Variants in RAD51B observed in about 807,000 individuals in gnomAD.
RAD51B encodes RAD51 paralog B.
Under a neutral mutation model 42.2 loss-of-function variants are expected in RAD51B, and 38 were observed. That is an observed-to-expected ratio of 0.90 (90% CI 0.70 to 1.18). The LOEUF (loss-of-function observed/expected upper bound fraction) is 1.18, where lower values mean the gene tolerates loss of function less well. RAD51B is among the 50% of genes most tolerant of loss of function. The pLI, the probability that RAD51B is intolerant of heterozygous loss-of-function variation, is 0.00. For missense variants in RAD51B, 373 were observed against 400.7 expected (o/e 0.93, Z 0.59); for synonymous variants, 154 against 145.2 (o/e 1.06, Z -0.43).
chr14:67,939,620 A>G (rs1184640868), intron 7 of RAD51B, among the ~76,000 whole-genome samples: 2 of 152,158 alleles, frequency 1.3e-5, no homozygotes, highest in African/African-American at 4.8e-5. Context: ...GTAGCAAATT[A>G]CCATAGATTA....
At chr14:68,067,189 A>T (rs994927597) in intron 7 of RAD51B, among the ~76,000 whole-genome samples, 1 of 152,260 alleles carries the variant, frequency 6.6e-6, no homozygotes, top group Non-Finnish European at 1.5e-5. Flanking sequence ...TTGGCTGGTC[A>T]TGGTGGCTCA....
At chr14:68,595,673 G>A (rs1414115628) in exon 11 of RAD51B, 40 of 976,072 alleles carry the variant, frequency 4.1e-5, no homozygotes, top group Non-Finnish European at 5.0e-5. Flanking sequence ...CTAAATGTTC[G>A]ACCATATGGT....
chr14:68,673,855 T>C (rs1321743901), intron 11 of RAD51B, among the ~76,000 whole-genome samples: 1 of 134,078 alleles, frequency 7.5e-6, no homozygotes, highest in Non-Finnish European at 1.6e-5. Flanking sequence ...ACATGCACAC[T>C]CATACATGTA....
intron 9 of RAD51B, among the ~76,000 whole-genome samples, chr14:68,415,018 C>T (rs1469641070): frequency 2.9e-5 from 3 of 104,590 alleles, no homozygotes; most frequent in Non-Finnish European, 5.2e-5. Context: ...GGTGACAGAG[C>T]AAGACTCTGT....
chr14:68,196,769 G>T (rs4584756), intron 7 of RAD51B, among the ~76,000 whole-genome samples: 45 of 151,994 alleles, frequency 3.0e-4, no homozygotes, highest in Non-Finnish European at 4.6e-4. Flanking sequence ...TACAATACCT[G>T]GTATAGTCCT....
chr14:68,614,741 AT>A (rs1446350975), downstream of RAD51B, among the ~76,000 whole-genome samples: 1 of 152,172 alleles, frequency 6.6e-6, no homozygotes, highest in Non-Finnish European at 1.5e-5. Flanking sequence ...GATAAACCAC[AT>A]TTTGTTTATC....
At chr14:68,484,288 T>A (rs899794062) in intron 10 of RAD51B, among the ~76,000 whole-genome samples, 12 of 152,200 alleles carry the variant, frequency 7.9e-5, no homozygotes, top group African/African-American at 2.4e-4. Context: ...AGACAATAAT[T>A]CAGCTTTCAA....
chr14:68,401,023 A>G (rs1422407170), intron 8 of RAD51B, among the ~76,000 whole-genome samples: 2 of 152,076 alleles, frequency 1.3e-5, no homozygotes, highest in Non-Finnish European at 2.9e-5. Context: ...GCTTCTTTTT[A>G]TTCAGACAAT....
intron 7 of RAD51B, among the ~76,000 whole-genome samples, chr14:68,260,320 G>GTGTGT (rs1566766533): frequency 6.7e-5 from 1 of 15,012 alleles, no homozygotes; most frequent in Non-Finnish European, 1.1e-4. Flanking sequence ...TGTGTGTGTG[G>GTGTGT]AGAGGGGAAG....
At chr14:67,967,752 T>C (rs1378632123) in intron 7 of RAD51B, among the ~76,000 whole-genome samples, 1 of 152,054 alleles carries the variant, frequency 6.6e-6, no homozygotes, top group African/African-American at 2.4e-5. Context: ...CACAGGCTGG[T>C]GTTGAGTGTC....
chr14:68,586,961 C>G (rs1454812041), intron 10 of RAD51B, among the ~76,000 whole-genome samples: 1 of 151,868 alleles, frequency 6.6e-6, no homozygotes. Context: ...GTCGAGATCA[C>G]GCCATTGCAG....
chr14:68,190,789 A>G (rs1011625724), intron 7 of RAD51B, among the ~76,000 whole-genome samples: 3 of 152,204 alleles, frequency 2.0e-5, no homozygotes, highest in Non-Finnish European at 4.4e-5. Flanking sequence ...TTTAGGATGT[A>G]ATCTGTGCTC....
chr14:68,189,845 T>C (rs2079228342), intron 7 of RAD51B, among the ~76,000 whole-genome samples: 1 of 152,098 alleles, frequency 6.6e-6, no homozygotes. Context: ...TTTGTATTTT[T>C]AGTAGAGATT....
At chr14:68,610,843 A>ATGTG (rs60173412) in intron 10 of RAD51B, among the ~76,000 whole-genome samples, 6,370 of 144,848 alleles carry the variant, frequency 0.044, 168 homozygotes, top group South Asian at 0.12. Flanking sequence ...CTGAATGTAT[A>ATGTG]TGTGTGTGTG....
At chr14:68,201,825 A>G (rs1276939543) in intron 7 of RAD51B, among the ~76,000 whole-genome samples, 1 of 152,212 alleles carries the variant, frequency 6.6e-6, no homozygotes, top group Non-Finnish European at 1.5e-5. Flanking sequence ...TTTTGAGAAT[A>G]TTGATAAAAA....
chr14:68,618,838 C>A lies in RAD51B; in HGVS notation c.1037-31943C>A, dbSNP rs141416306. Among the ~76,000 whole-genome samples the A allele has an allele frequency of 1.3e-3, 199 of 152,318 alleles. 1 individual carries two copies. The highest frequency in any genetic ancestry group is 4.4e-3 in the African/African-American group (182 of 41,580). On this transcript the variant is annotated intron_variant, in intron 10 of 11. Coordinates refer to the RAD51B transcript ENST00000488612. Reference sequence around the variant, plus strand: ...CTGAGGAAAGAAGTGCCCCCTCCACCTTCCCTACCTTTTTTTTTCTTTTGT... The same window carrying A: ...CTGAGGAAAGAAGTGCCCCCTCCACATTCCCTACCTTTTTTTTTCTTTTGT...
At chr14:68,349,555 G>A (rs978593909) in intron 8 of RAD51B, among the ~76,000 whole-genome samples, 1 of 152,064 alleles carries the variant, frequency 6.6e-6, no homozygotes, top group African/African-American at 2.4e-5. Flanking sequence ...CAGTAGAGAT[G>A]GGTTTTCACC....
At chr14:68,326,963 A>T (rs892856991) in intron 8 of RAD51B, among the ~76,000 whole-genome samples, 3 of 152,040 alleles carry the variant, frequency 2.0e-5, no homozygotes, top group African/African-American at 7.3e-5. Flanking sequence ...GCCCAACATC[A>T]CTCTGCTCCT....
At chr14:68,259,432 C>A (rs1310169389) in intron 7 of RAD51B, among the ~76,000 whole-genome samples, 2 of 151,332 alleles carry the variant, frequency 1.3e-5, no homozygotes, top group African/African-American at 4.9e-5. Context: ...GCACATGTAC[C>A]CTAAAACTTA....
Sources: gnomAD v4.1 joint callset for allele counts (sites outside exome capture counted in the v4.1 genomes callset) on GRCh38, gnomAD v4.1.1 for gene constraint, MANE v1.5 for transcripts, NCBI Gene and HGNC (gene_info 2026-07-23, HGNC 2026-07-21) for gene names.